DDR2: variants seen among roughly 807,000 people sequenced by gnomAD.
The protein encoded by DDR2 is discoidin domain receptor tyrosine kinase 2.
In DDR2, 27 loss-of-function variants were observed where a neutral mutation model predicts 94.9. The ratio of observed to expected loss-of-function variants is 0.28; its 90% CI spans 0.21 to 0.39. The LOEUF (loss-of-function observed/expected upper bound fraction) is 0.39, where lower values mean the gene tolerates loss of function less well. DDR2 is among the 10% of genes least tolerant of loss of function. The probability of loss-of-function intolerance (pLI) is 1.00; values close to 1 mark genes in which losing one functional copy is unlikely to be tolerated. For synonymous variants in DDR2, 382 were observed against 377.2 expected, an observed-to-expected ratio of 1.01 and a Z score of -0.15; for missense variants, 783 against 1,076.0, an observed-to-expected ratio of 0.73 and a Z score of 3.81.
intron 7 of DDR2, among the ~76,000 whole-genome samples, chr1:162,758,806 CT>C (rs1451578502): frequency 1.3e-5 from 2 of 152,252 alleles, no homozygotes; most frequent in Middle Eastern, 3.4e-3. Context: ...CCAATTATTG[CT>C]TGAGGGTGAG....
intron 2 of DDR2, among the ~76,000 whole-genome samples, chr1:162,686,112 G>A (rs944269619): frequency 1.3e-5 from 2 of 152,102 alleles, no homozygotes; most frequent in Admixed American, 1.3e-4. Context: ...TGCAACCTCC[G>A]CCTCTTGGGT....
Position 162,780,326 on chromosome 1 carries a change from C to T in DDR2, c.*80C>T. On this transcript the variant is annotated 3_prime_UTR_variant, in exon 18 of 18. Transcript: ENST00000367921. ...CCACTCACCCATGCCTATGCCACTC[C>T]ATCTGGACATTTAATGAAACTGAGA... 1 of 1,594,804 alleles carries T rather than the reference C, an allele frequency of 6.3e-7. No homozygotes were observed. Among genetic ancestry groups the T allele is most frequent in the South Asian group, 1.1e-5 (1 of 89,956 alleles).
rs1212499835 is a variant in DDR2, at chr1:162,754,736, G to T, written c.298G>T (p.Val100Leu). 4 of 1,613,988 alleles carry T rather than the reference G, an allele frequency of 2.5e-6. No homozygotes were observed. The African/African-American group carries it at 4.0e-5, about 16-fold the overall frequency. The change falls in exon 5 of 18, where the codon GTG (valine) becomes TTG (leucine). Residue 100 changes from valine (V) to leucine (L), a missense_variant. Val to Leu is a conservative substitution (Grantham distance 32). Coordinates refer to ENST00000367921, the MANE Select transcript of DDR2 (RefSeq NM_006182.4). ...DLHTLHFITLVGTQGRHAGGH... is the reference protein window; with the variant it reads ...DLHTLHFITLLGTQGRHAGGH... ...GCACACCCTCCATTTTATCACTCTG[G>T]TGGGGACCCAGGGGCGCCATGCAGG...
intron 3 of DDR2, among the ~76,000 whole-genome samples, chr1:162,725,490 T>C (rs1159351155): frequency 6.6e-6 from 1 of 152,198 alleles, no homozygotes; most frequent in African/African-American, 2.4e-5. Flanking sequence ...GCCATCCTCC[T>C]GCCTCAGCTC....
In DDR2 at chr1:162,778,693, G is replaced by A. The variant is rs762649297; in HGVS notation, c.2397G>A (p.Glu799=). ...AGCTGTCAGATGAACAGGTTATTGA[G>A]AATACTGGAGAGTTCTTCCGAGACC... The part of the protein sequence containing the change: ...YSQLSDEQVI[E]NTGEFFRDQG... The change falls in exon 17 of 18, where the codon GAG becomes GAA. Residue 799 remains glutamate, a synonymous_variant. Transcript: ENST00000367921. The A allele has an allele frequency of 1.2e-6, 2 of 1,614,000 alleles. No individual in the cohort carries two copies. The highest frequency in any genetic ancestry group is 1.7e-6 in the Non-Finnish European group (2 of 1,179,908).
At chr1:162,711,043 C>T (rs16843784) in intron 2 of DDR2, among the ~76,000 whole-genome samples, 4,808 of 152,296 alleles carry the variant, frequency 0.032, 128 homozygotes, top group East Asian at 0.15. Flanking sequence ...AAGTCGAGGC[C>T]ACCTCAGATA....
At chr1:162,772,296 A>G (rs370280194) in intron 13 of DDR2, 49 bp downstream of exon 13, 1 of 1,580,378 alleles carries the variant, frequency 6.3e-7, no homozygotes, top group South Asian at 1.1e-5. Flanking sequence ...GTGGTTGGAT[A>G]AAAATGATCA....
intron 1 of DDR2, among the ~76,000 whole-genome samples, chr1:162,645,284 A>T (rs1009730819): frequency 2.0e-5 from 3 of 152,090 alleles, no homozygotes; most frequent in East Asian, 1.9e-4. Flanking sequence ...TTTATAGGGA[A>T]TTTTTTTTCA....
intron 2 of DDR2, among the ~76,000 whole-genome samples, chr1:162,702,608 C>T (rs529624871): frequency 1.3e-5 from 2 of 152,290 alleles, no homozygotes; most frequent in South Asian, 2.1e-4. Flanking sequence ...CCTATTTCAA[C>T]CTCATGATTC....
intron 15 of DDR2, 74 bp from the exon 16 acceptor site, chr1:162,776,062 C>G: frequency 7.0e-7 from 1 of 1,420,822 alleles, no homozygotes; most frequent in Non-Finnish European, 9.9e-7. Flanking sequence ...TTGTTGATAC[C>G]ATTTTAGAAT....
At chr1:162,760,256 G>A (rs997594852) in intron 8 of DDR2, among the ~76,000 whole-genome samples, 14 of 151,676 alleles carry the variant, frequency 9.2e-5, no homozygotes, top group Non-Finnish European at 2.1e-4. Context: ...AGTGTCCAGG[G>A]CCCACAGATT....
At chr1:162,728,275 A>T (rs1030862569) in intron 3 of DDR2, among the ~76,000 whole-genome samples, 3 of 148,846 alleles carry the variant, frequency 2.0e-5, no homozygotes, top group African/African-American at 7.4e-5. Flanking sequence ...GTACATAAAT[A>T]TGTTCACATT....
intron 10 of DDR2, among the ~76,000 whole-genome samples, chr1:162,766,907 C>T (rs1028479293): frequency 2.0e-5 from 3 of 151,886 alleles, no homozygotes; most frequent in Non-Finnish European, 4.4e-5. Flanking sequence ...TGGCGCATGC[C>T]TGTAATCCCA....
At chr1:162,755,381 A>G in intron 6 of DDR2, 78 bp downstream of exon 6, 1 of 1,558,614 alleles carries the variant, frequency 6.4e-7, no homozygotes, top group Non-Finnish European at 8.8e-7. Flanking sequence ...TCAAATCAGA[A>G]AGGGATGGGA....
At chr1:162,752,051 C>T (rs113166294) in intron 3 of DDR2, among the ~76,000 whole-genome samples, 3,555 of 151,318 alleles carry the variant, frequency 0.023, 80 homozygotes, top group Non-Finnish European at 0.033. Context: ...TTGTAAATGA[C>T]GAGTTAATGG....
intron 2 of DDR2, among the ~76,000 whole-genome samples, chr1:162,665,066 A>T (rs1658484453): frequency 6.6e-6 from 1 of 152,220 alleles, no homozygotes; most frequent in Non-Finnish European, 1.5e-5. Context: ...ATCCCAATTG[A>T]TCTTCCCAAT....
At chr1:162,659,847 T>C (rs760427476) in intron 2 of DDR2, among the ~76,000 whole-genome samples, 3 of 152,218 alleles carry the variant, frequency 2.0e-5, no homozygotes, top group Non-Finnish European at 4.4e-5. Context: ...TTATAGCTTA[T>C]AAGAGTAGAT....
intron 4 of DDR2, among the ~76,000 whole-genome samples, chr1:162,754,065 G>T (rs1443900150): frequency 1.3e-5 from 2 of 152,138 alleles, no homozygotes; most frequent in Non-Finnish European, 2.9e-5. Context: ...CTCAGTGGTA[G>T]CTCAGCCTGA....
At chr1:162,757,708 A>G (rs1161766455) in intron 7 of DDR2, among the ~76,000 whole-genome samples, 2 of 152,194 alleles carry the variant, frequency 1.3e-5, no homozygotes, top group Non-Finnish European at 1.5e-5. Flanking sequence ...ATCAAGCAGC[A>G]TGCAAAGGTT....
Sources: gnomAD v4.1 joint callset for allele counts (sites outside exome capture counted in the v4.1 genomes callset) on GRCh38, gnomAD v4.1.1 for gene constraint, MANE v1.5 for transcripts, NCBI Gene and HGNC (gene_info 2026-07-23, HGNC 2026-07-21) for gene names.